TDRD9: variants seen among roughly 807,000 people sequenced by gnomAD.
The protein encoded by TDRD9 is tudor domain containing 9.
TDRD9 carries 124 observed loss-of-function variants against 172.6 expected under a neutral mutation model. The observed-to-expected ratio is 0.72, with a 90% confidence interval of 0.62 to 0.83. TDRD9 has a LOEUF of 0.83. Ranked by LOEUF, TDRD9 falls within the 40% of genes least tolerant of loss-of-function variation. TDRD9 has a pLI of 0.00. For synonymous variants in TDRD9, 619 were observed against 617.1 expected, an observed-to-expected ratio of 1.00 and a Z score of -0.05; for missense variants, 1,479 against 1,714.1, an observed-to-expected ratio of 0.86 and a Z score of 2.42.
chr14:103,955,736 T>A lies in TDRD9; in HGVS notation c.288T>A (p.Asp96Glu). Reference sequence around the variant, plus strand: ...GACAGCTCGAAGCACAAGAGCTTGATGTGTGTCGCAGTGTCCAACCAACCA... The same window carrying A: ...GACAGCTCGAAGCACAAGAGCTTGAAGTGTGTCGCAGTGTCCAACCAACCA... The part of the protein sequence containing the change: ...KYRQLEAQEL[D>E]VCRSVQPTSG... Residue 96 changes from aspartate to glutamate, a missense_variant, in exon 2 of 36, where the codon GAT becomes GAA. Coordinates refer to ENST00000409874, the MANE Select transcript of TDRD9 (RefSeq NM_153046.3). 5 of 1,551,374 alleles carry A rather than the reference T, an allele frequency of 3.2e-6. No individual in the cohort carries two copies. The highest frequency in any genetic ancestry group is 4.4e-6 in the Non-Finnish European group (5 of 1,146,842).
intron 1 of TDRD9, among the ~76,000 whole-genome samples, chr14:103,952,216 ATATATTTTTTTTTTTTTTTTTTTTTT>A (rs1283763047): frequency 1.0e-4 from 5 of 49,918 alleles, no homozygotes; most frequent in African/African-American, 2.0e-4. Flanking sequence ...ATATATATAT[ATATATTTTTTTTTTTTTTTTTTTTTT>A]TTTTTTTTTT....
chr14:104,038,269 A>T (rs767733973), intron 32 of TDRD9, among the ~76,000 whole-genome samples: 1 of 152,192 alleles, frequency 6.6e-6, no homozygotes, highest in Non-Finnish European at 1.5e-5. Context: ...ATTAATATCT[A>T]CACTTATATG....
Position 103,991,141 on chromosome 14 carries a change from C to T in TDRD9, c.1116-19C>T. The T allele has an allele frequency of 1.2e-6, 2 of 1,613,774 alleles. No individual in the cohort carries two copies. The highest frequency in any genetic ancestry group is 2.2e-5 in the South Asian group (2 of 91,070). On this transcript the variant is annotated intron_variant, in intron 8 of 35. Coordinates refer to ENST00000409874, the MANE Select transcript of TDRD9 (RefSeq NM_153046.3). ...TTATTAGCCTTCATTAATATTTGTG[C>T]ACATCACATTTTTAACAGGAACAAG...
intron 2 of TDRD9, among the ~76,000 whole-genome samples, chr14:103,956,108 AAAAAT>A (rs2032206417): frequency 2.8e-5 from 1 of 36,236 alleles, no homozygotes; most frequent in Non-Finnish European, 4.8e-5. Context: ...AAAAAAAAAA[AAAAAT>A]ATATATATAT....
chr14:104,049,041 CTTG>C (rs1333305732), intron 34 of TDRD9, among the ~76,000 whole-genome samples: 1 of 151,894 alleles, frequency 6.6e-6, no homozygotes, highest in Non-Finnish European at 1.5e-5. Flanking sequence ...TGCTTCTCAA[CTTG>C]TTGTTTGCCT....
At chr14:103,932,121 G>A (rs2030429768) in intron 1 of TDRD9, among the ~76,000 whole-genome samples, 1 of 152,184 alleles carries the variant, frequency 6.6e-6, no homozygotes, top group Non-Finnish European at 1.5e-5. Context: ...CTAAGCAGGG[G>A]ATCCAGTTGA....
chr14:104,007,108 A>T, intron 18 of TDRD9, 52 bp from the exon 19 acceptor site: 1 of 1,539,310 alleles, frequency 6.5e-7, no homozygotes, highest in Non-Finnish European at 8.8e-7. Context: ...TACTTAAAAA[A>T]AATTCAGTGA....
At chr14:104,028,896 T>G (rs1273348004) in intron 28 of TDRD9, among the ~76,000 whole-genome samples, 1 of 152,138 alleles carries the variant, frequency 6.6e-6, no homozygotes, top group Non-Finnish European at 1.5e-5. Context: ...TCTTCTGCAT[T>G]TAGATGTCCA....
Position 103,962,965 on chromosome 14 carries a change from A to AGTGTGTGTGTGT in TDRD9, c.323-97_323-86dup, listed in dbSNP as rs55873775. The stretch of plus-strand genomic sequence containing the variant: ...TGTAGAAAATGTATTTTTGTATTTG[A>AGTGTGTGTGTGT]GTGTGTGTGTGTGTGTGTGTGTGTG... On this transcript the variant is annotated intron_variant, in intron 2 of 35. Coordinates refer to ENST00000409874, the MANE Select transcript of TDRD9 (RefSeq NM_153046.3). The AGTGTGTGTGTGT allele has an allele frequency of 8.9e-4, 359 of 404,738 alleles. 1 individual carries two copies. Among genetic ancestry groups the AGTGTGTGTGTGT allele is most frequent in the African/African-American group, 6.9e-3 (328 of 47,342 alleles). 25.1% of individuals were successfully genotyped at this position (404,738 alleles called of 1,614,324 possible). A position where few individuals can be genotyped will look rare whatever the true frequency, so the allele number is the denominator to read the frequency against.
chr14:104,014,849 G>A lies in TDRD9; in HGVS notation c.2223+8G>A. On this transcript the variant is annotated splice_region_variant and intron_variant, in intron 21 of 35. Coordinates refer to ENST00000409874, the MANE Select transcript of TDRD9 (RefSeq NM_153046.3). The stretch of plus-strand genomic sequence containing the variant: ...CAGCGATTCATCCTACAGGTGTGCT[G>A]AAGTTTCCTGGATATTTTTTTTCCT... 1 of 1,500,114 alleles carries A rather than the reference G, an allele frequency of 6.7e-7. No individual in the cohort carries two copies. Among genetic ancestry groups the A allele is most frequent in the Non-Finnish European group, 9.1e-7 (1 of 1,096,868 alleles). 92.9% of individuals were successfully genotyped at this position (1,500,114 alleles called of 1,614,324 possible). A position where few individuals can be genotyped will look rare whatever the true frequency, so the allele number is the denominator to read the frequency against.
intron 1 of TDRD9, among the ~76,000 whole-genome samples, chr14:103,948,107 A>G (rs775264570): frequency 2.0e-5 from 3 of 152,060 alleles, no homozygotes; most frequent in Non-Finnish European, 2.9e-5. Context: ...TCGACCTCCT[A>G]GGCTTAAGGG....
At position 104,024,558 on chromosome 14, in the gene TDRD9, G is replaced by C. The variant is rs567840079; in HGVS notation, c.2607-11G>C. On this transcript the variant is annotated splice_polypyrimidine_tract_variant and intron_variant, in intron 24 of 35. Transcript: ENST00000409874. ...TTGATTTTTATTTTAATAAAAATTC[G>C]TATTATGTAGGGTGAATGTGGACTT... is the stretch of plus-strand genomic sequence containing the variant. 5 of 1,515,546 alleles carry C rather than the reference G, an allele frequency of 3.3e-6. No individual in the cohort carries two copies. The highest frequency in any genetic ancestry group is 4.5e-6 in the Non-Finnish European group (5 of 1,110,788). 93.9% of individuals were successfully genotyped at this position (1,515,546 alleles called of 1,614,324 possible). A position where few individuals can be genotyped will look rare whatever the true frequency, so the allele number is the denominator to read the frequency against.
At chr14:104,034,916 A>G (rs1020741661) in intron 31 of TDRD9, 44 bp from the exon 32 acceptor site, 2 of 1,462,020 alleles carry the variant, frequency 1.4e-6, no homozygotes, top group South Asian at 1.2e-5. Flanking sequence ...TGCCCTGAGC[A>G]GCGTGAGTTA....
chr14:103,955,878 G>A, intron 2 of TDRD9, 108 bp downstream of exon 2: 1 of 905,398 alleles, frequency 1.1e-6, no homozygotes, highest in South Asian at 1.6e-5. Context: ...AGGAGGCTGA[G>A]GTGGGAGGAT....
intron 5 of TDRD9, among the ~76,000 whole-genome samples, chr14:103,968,335 T>G (rs1242177254): frequency 3.3e-5 from 5 of 152,254 alleles, no homozygotes. Context: ...CATAAATGAA[T>G]GGACTGGATT....
At chr14:104,032,482 G>T (rs1413129092) in intron 30 of TDRD9, among the ~76,000 whole-genome samples, 1 of 152,218 alleles carries the variant, frequency 6.6e-6, no homozygotes, top group Non-Finnish European at 1.5e-5. Context: ...TGGGATTACA[G>T]GCGTGAGCCA....
At chr14:103,932,467 A>G (rs1049494370) in intron 1 of TDRD9, among the ~76,000 whole-genome samples, 7 of 151,820 alleles carry the variant, frequency 4.6e-5, no homozygotes, top group Non-Finnish European at 1.0e-4. Context: ...GGCTCACTGC[A>G]AGCTCTGCCT....
intron 32 of TDRD9, among the ~76,000 whole-genome samples, chr14:104,036,084 T>C (rs1482924637): frequency 6.6e-6 from 1 of 152,188 alleles, no homozygotes; most frequent in Non-Finnish European, 1.5e-5. Context: ...TTTATAGATT[T>C]AAATTTAAAT....
chr14:103,992,122 C>T (rs989039068), intron 9 of TDRD9, among the ~76,000 whole-genome samples: 2 of 152,116 alleles, frequency 1.3e-5, no homozygotes, highest in Non-Finnish European at 2.9e-5. Flanking sequence ...CCTTGAGTTC[C>T]CTTCTCAGTG....
Sources: gnomAD v4.1 joint callset for allele counts (sites outside exome capture counted in the v4.1 genomes callset) on GRCh38, gnomAD v4.1.1 for gene constraint, MANE v1.5 for transcripts, NCBI Gene and HGNC (gene_info 2026-07-23, HGNC 2026-07-21) for gene names.